Variants in CCDC7 observed in about 807,000 individuals in gnomAD.
The protein encoded by CCDC7 is coiled-coil domain containing 7, also known as coiled-coil domain-containing protein 7.
A neutral mutation model predicts 196.9 loss-of-function variants in CCDC7; 183 were observed. The observed-to-expected ratio is 0.93, with a 90% CI of 0.82 to 1.05. The LOEUF (loss-of-function observed/expected upper bound fraction) is 1.05. Among genes scored for constraint, CCDC7 ranks in the 50% least tolerant of loss-of-function variants. CCDC7 has a pLI of 0.00. For synonymous variants in CCDC7, 525 were observed against 484.6 expected, an observed-to-expected ratio of 1.08 and a Z score of -1.10; for missense variants, 1,540 against 1,482.2, an observed-to-expected ratio of 1.04 and a Z score of -0.64.
chr10:32,517,151 G>C (rs2047150990), intron 9 of CCDC7, among the ~76,000 whole-genome samples: 1 of 152,130 alleles, frequency 6.6e-6, no homozygotes, highest in South Asian at 2.1e-4. Flanking sequence ...TTGAAGAATA[G>C]TGACAGAGAC....
chr10:32,676,345 G>A (rs2074967985), intron 21 of CCDC7, among the ~76,000 whole-genome samples: 1 of 151,996 alleles, frequency 6.6e-6, no homozygotes, highest in Non-Finnish European at 1.5e-5. Flanking sequence ...AAAAGCAATG[G>A]CAACAAAGCC....
intron 11 of CCDC7, among the ~76,000 whole-genome samples, chr10:32,533,246 A>AACACACACACACACACACACACAC (rs58119017): frequency 1.4e-5 from 2 of 144,632 alleles, no homozygotes; most frequent in East Asian, 2.1e-4. Flanking sequence ...AAACAAAGGA[A>AACACACACACACACACACACACAC]ACACACACAC....
chr10:32,665,824 C>A (rs11009023), intron 21 of CCDC7, among the ~76,000 whole-genome samples: 1 of 151,950 alleles, frequency 6.6e-6, no homozygotes, highest in Non-Finnish European at 1.5e-5. Context: ...TTCTTCCAAT[C>A]CAGGAACATG....
At chr10:32,464,398 T>A (rs1486646537) in intron 5 of CCDC7, among the ~76,000 whole-genome samples, 1 of 152,240 alleles carries the variant, frequency 6.6e-6, no homozygotes, top group African/African-American at 2.4e-5. Flanking sequence ...CTCTTTCTTT[T>A]TTCCTGTTAA....
chr10:32,786,584 A>C (rs557897822), intron 29 of CCDC7, among the ~76,000 whole-genome samples: 1 of 152,328 alleles, frequency 6.6e-6, no homozygotes, highest in Non-Finnish European at 1.5e-5. Context: ...AACATGGCGA[A>C]ACTTCATCTC....
intron 28 of CCDC7, among the ~76,000 whole-genome samples, chr10:32,764,383 C>A (rs974070455): frequency 6.6e-6 from 1 of 151,660 alleles, no homozygotes; most frequent in Non-Finnish European, 1.5e-5. Context: ...ATCAATATTG[C>A]ATGTATAGGA....
chr10:32,699,532 A>T (rs2078292837), intron 24 of CCDC7, among the ~76,000 whole-genome samples: 1 of 149,032 alleles, frequency 6.7e-6, no homozygotes, highest in African/African-American at 2.6e-5. Flanking sequence ...ATGTGTCTTT[A>T]TAGCAGCATG....
At chr10:32,805,173 G>A in intron 30 of CCDC7, 75 bp downstream of exon 31, 1 of 1,008,740 alleles carries the variant, frequency 9.9e-7, no homozygotes, top group Non-Finnish European at 1.5e-6. Flanking sequence ...ATCCTTAATA[G>A]CAATGGTGCC....
At chr10:32,878,058 T>A (rs1236629779), downstream of CCDC7, among the ~76,000 whole-genome samples, 2 of 152,088 alleles carry the variant, frequency 1.3e-5, no homozygotes, top group African/African-American at 2.4e-5. Context: ...AGACCATCTT[T>A]TTCATGGCAA....
At chr10:32,569,413 T>C (rs1404634231) in intron 15 of CCDC7, among the ~76,000 whole-genome samples, 1 of 152,150 alleles carries the variant, frequency 6.6e-6, no homozygotes, top group Non-Finnish European at 1.5e-5. Context: ...GGATGCTTTA[T>C]AGTTTTTTTC....
chr10:32,705,274 A>G (rs1440089364), intron 24 of CCDC7, among the ~76,000 whole-genome samples: 1 of 152,142 alleles, frequency 6.6e-6, no homozygotes, highest in Non-Finnish European at 1.5e-5. Flanking sequence ...GTAGTGAGAG[A>G]TTTTGTCGCC....
chr10:32,542,766 A>G lies in CCDC7; in HGVS notation c.994-534A>G, dbSNP rs538186443. On this transcript the variant is annotated intron_variant, in intron 11 of 41. Coordinates refer to ENST00000639629, the Ensembl canonical transcript of CCDC7. Reference sequence around the variant, plus strand: ...TCAGATAATTTCCTTCCACTGTGCAATAACTCACAAGTTGCAACCTATTCA... The same window carrying G: ...TCAGATAATTTCCTTCCACTGTGCAGTAACTCACAAGTTGCAACCTATTCA... 1.4e-3 allele frequency among the ~76,000 whole-genome samples: 219 copies of G among 152,238 alleles called. 1 individual carries two copies. The highest frequency in any genetic ancestry group is 5.0e-3 in the African/African-American group (208 of 41,536).
At chr10:32,872,484 CTT>C (rs1424360900) in intron 41 of CCDC7, among the ~76,000 whole-genome samples, 1 of 151,912 alleles carries the variant, frequency 6.6e-6, no homozygotes, top group Non-Finnish European at 1.5e-5. Context: ...GGTCTTGACT[CTT>C]TATCCAATTT....
intron 18 of CCDC7, among the ~76,000 whole-genome samples, chr10:32,591,211 A>G (rs11008985): frequency 0.34 from 52,352 of 151,750 alleles, 11,444 homozygotes; most frequent in Non-Finnish European, 0.5. Flanking sequence ...TAGATCTTGT[A>G]GGCATGCTTC....
chr10:32,594,873 A>T (rs2060154145), intron 18 of CCDC7, among the ~76,000 whole-genome samples: 1 of 152,176 alleles, frequency 6.6e-6, no homozygotes, highest in Admixed American at 6.5e-5. Context: ...TGTATGTTGA[A>T]CCAGCCTTGC....
chr10:32,699,948 A>G (rs1359962777), intron 24 of CCDC7, among the ~76,000 whole-genome samples: 1 of 149,192 alleles, frequency 6.7e-6, no homozygotes, highest in Non-Finnish European at 1.5e-5. Context: ...TAGATTCTGG[A>G]TATTAGCCCT....
chr10:32,707,362 T>G (rs1441104906), intron 24 of CCDC7, among the ~76,000 whole-genome samples: 3 of 152,138 alleles, frequency 2.0e-5, no homozygotes, highest in African/African-American at 7.2e-5. Flanking sequence ...ACAGCCAATA[T>G]CATACTGAGT....
intron 29 of CCDC7, among the ~76,000 whole-genome samples, chr10:32,803,830 G>C (rs1285248285): frequency 6.6e-6 from 1 of 151,946 alleles, no homozygotes; most frequent in African/African-American, 2.4e-5. Flanking sequence ...CTTTGTAATT[G>C]GTGGCTTTTT....
At chr10:32,822,148 C>G (rs1380756665) in intron 31 of CCDC7, among the ~76,000 whole-genome samples, 3 of 152,132 alleles carry the variant, frequency 2.0e-5, no homozygotes, top group Non-Finnish European at 2.9e-5. Context: ...TTTCTTCAGG[C>G]TAAAGCTGAC....
Sources: gnomAD v4.1 joint callset for allele counts (sites outside exome capture counted in the v4.1 genomes callset) on GRCh38, gnomAD v4.1.1 for gene constraint, MANE v1.5 for transcripts, NCBI Gene and HGNC (gene_info 2026-07-23, HGNC 2026-07-21) for gene names.